KLHL2: variants seen among roughly 807,000 people sequenced by gnomAD.
The protein encoded by KLHL2 is kelch-like protein 2.
In KLHL2, 15 loss-of-function variants were observed where a neutral mutation model predicts 75.8. The observed-to-expected ratio is 0.20, with a 90% confidence interval of 0.13 to 0.30. The LOEUF (loss-of-function observed/expected upper bound fraction) is 0.30, where lower values mean the gene tolerates loss of function less well. KLHL2 is among the 10% of genes least tolerant of loss of function. KLHL2 has a pLI of 1.00. For missense variants in KLHL2, 381 were observed against 741.0 expected (o/e 0.51, Z 5.64); for synonymous variants, 214 against 251.9 (o/e 0.85, Z 1.42).
chr4:165,316,003 A>G (rs1746563033), intron 13 of KLHL2, among the ~76,000 whole-genome samples: 1 of 152,214 alleles, frequency 6.6e-6, no homozygotes, highest in Admixed American at 6.5e-5. Flanking sequence ...GGTTCTCAAT[A>G]TGAATTTGAT....
At position 165,294,365 on chromosome 4, in the gene KLHL2, A is replaced by G. The variant is rs1164916061; in HGVS notation, c.551A>G (p.His184Arg). ...CTTTTTAATTCCCAAACAGAGCAAC[A>G]TTTTGCAGATGTTGTACTTAGTGAA... ...LNKANTYAEQ[H>R]FADVVLSEEF... Residue 184 changes from histidine to arginine, a missense_variant, in exon 6 of 15, where the codon CAT becomes CGT. His to Arg is a conservative substitution (Grantham distance 29). This residue lies in a region of KLHL2 where 111 missense variants were observed against 150.1 expected (regional missense o/e 0.74). Transcript: ENST00000226725. 4 of 1,597,130 alleles carry G rather than the reference A, an allele frequency of 2.5e-6. No homozygotes were observed. The highest frequency in any genetic ancestry group is 1.7e-6 in the Non-Finnish European group (2 of 1,165,256).
At chr4:165,212,147 C>T (rs1419162115) in intron 1 of KLHL2, among the ~76,000 whole-genome samples, 3 of 151,928 alleles carry the variant, frequency 2.0e-5, no homozygotes, top group African/African-American at 7.3e-5. Flanking sequence ...TATTGAGTGC[C>T]TACTATGGCC....
At chr4:165,312,152 TA>T (rs372141493) in intron 11 of KLHL2, among the ~76,000 whole-genome samples, 85 of 152,276 alleles carry the variant, frequency 5.6e-4, no homozygotes, top group African/African-American at 1.9e-3. Context: ...TCAGCTGTAA[TA>T]CTTGCTCACC....
chr4:165,278,520 C>T (rs766897968), intron 5 of KLHL2: 144 of 1,608,672 alleles, frequency 9.0e-5, no homozygotes, highest in Middle Eastern at 1.7e-4. Context: ...ATCCCTCTTG[C>T]GCTGGGCTCC....
At chr4:165,219,721 A>T in intron 1 of KLHL2, 1 of 1,289,520 alleles carries the variant, frequency 7.8e-7, no homozygotes, top group Non-Finnish European at 9.8e-7. Flanking sequence ...GACACCAGGG[A>T]GGTAATTACC....
At chr4:165,294,544 C>A in intron 6 of KLHL2, 76 bp downstream of exon 6, 1 of 725,398 alleles carries the variant, frequency 1.4e-6, no homozygotes, top group Non-Finnish European at 2.3e-6. Context: ...TTTTTTATAG[C>A]TTTGTGATCC....
chr4:165,213,102 G>A (rs1161187931), intron 1 of KLHL2, among the ~76,000 whole-genome samples: 2 of 152,162 alleles, frequency 1.3e-5, no homozygotes, highest in African/African-American at 2.4e-5. Context: ...AATAGTCTTT[G>A]ATTTCTCTCT....
At chr4:165,243,168 T>G (rs1031317122) in intron 4 of KLHL2, among the ~76,000 whole-genome samples, 3 of 152,228 alleles carry the variant, frequency 2.0e-5, no homozygotes, top group Admixed American at 1.3e-4. Flanking sequence ...ATGTGTTAAT[T>G]AACACTTTTG....
At chr4:165,284,615 G>A (rs1743946410) in intron 5 of KLHL2, among the ~76,000 whole-genome samples, 1 of 152,024 alleles carries the variant, frequency 6.6e-6, no homozygotes, top group Non-Finnish European at 1.5e-5. Context: ...ACATTTTTCT[G>A]TCATCTTCTT....
chr4:165,281,359 A>G (rs989326352), intron 5 of KLHL2, among the ~76,000 whole-genome samples: 3 of 145,610 alleles, frequency 2.1e-5, no homozygotes, highest in African/African-American at 7.9e-5. Flanking sequence ...TCTGTCACCC[A>G]GGCTGGAGTG....
Position 165,310,891 on chromosome 4 carries a change from G to A in KLHL2, c.1237+141G>A, listed in dbSNP as rs1425698471. 9 of 647,672 alleles carry A rather than the reference G, an allele frequency of 1.4e-5. No individual in the cohort carries two copies. The East Asian group carries it at 2.0e-4, about 14-fold the overall frequency. The allele number at this position is 647,672 out of a possible 1,614,324, so 40.1% of individuals were successfully genotyped here. A position where few individuals can be genotyped will look rare whatever the true frequency, so the allele number is the denominator to read the frequency against. On this transcript the variant is annotated intron_variant, in intron 10 of 14. Transcript: ENST00000226725. ...TTTTTTTGAGATGGAGTCTTGCTCC[G>A]TCGCCCAGGCTGGAGTACAGTGGCG...
intron 4 of KLHL2, among the ~76,000 whole-genome samples, chr4:165,260,486 G>A (rs1260955981): frequency 3.9e-5 from 6 of 151,998 alleles, no homozygotes; most frequent in East Asian, 1.9e-4. Context: ...CTCCTAATAC[G>A]GTAGATCTGA....
rs776085808 is a variant in KLHL2, at chr4:165,322,029, C to G, written c.1754-3C>G. 1.2e-6 allele frequency: 2 copies of G among 1,613,508 alleles called. No homozygotes were observed. Among genetic ancestry groups the G allele is most frequent in the Non-Finnish European group, 1.7e-6 (2 of 1,179,600 alleles). ...TTTTTTCTCTCTTCATTTCTTTGCT[C>G]AGGGGTCACAGTTATTGATAAACCA... On this transcript the variant is annotated splice_region_variant and splice_polypyrimidine_tract_variant and intron_variant, in intron 14 of 14. Transcript: ENST00000226725.
At chr4:165,276,914 T>C (rs1743162660) in intron 5 of KLHL2, among the ~76,000 whole-genome samples, 1 of 150,278 alleles carries the variant, frequency 6.7e-6, no homozygotes, top group African/African-American at 2.5e-5. Flanking sequence ...CAGTATTTAC[T>C]GTAGTATTCC....
chr4:165,228,441 C>T (rs1191267171), intron 2 of KLHL2, among the ~76,000 whole-genome samples: 10 of 150,600 alleles, frequency 6.6e-5, no homozygotes, highest in African/African-American at 2.2e-4. Context: ...TTTTCTTCAT[C>T]TTCATGTCAG....
At chr4:165,311,092 T>C (rs747375100) in intron 10 of KLHL2, among the ~76,000 whole-genome samples, 20 of 152,064 alleles carry the variant, frequency 1.3e-4, no homozygotes, top group South Asian at 4.1e-4. Flanking sequence ...CTCCTGACTT[T>C]GTGATCCGCC....
intron 2 of KLHL2, 118 bp from the exon 3 acceptor site, chr4:165,228,685 GCTGT>G: frequency 1.7e-6 from 1 of 604,818 alleles, no homozygotes; most frequent in Admixed American, 2.6e-5. Flanking sequence ...CCAAAGGATG[GCTGT>G]CTTTTACGTT....
intron 5 of KLHL2, among the ~76,000 whole-genome samples, chr4:165,274,100 C>T (rs893615070): frequency 5.9e-5 from 9 of 151,960 alleles, no homozygotes; most frequent in African/African-American, 2.2e-4. Context: ...TTTTCCCTAT[C>T]ATAGGCAGTA....
chr4:165,295,626 T>C (rs1414080408), intron 6 of KLHL2, among the ~76,000 whole-genome samples: 1 of 152,186 alleles, frequency 6.6e-6, no homozygotes, highest in African/African-American at 2.4e-5. Context: ...GGTATGGGGA[T>C]GGTAGTTCAA....
Sources: allele counts gnomAD v4.1 joint callset (sites outside exome capture counted in the v4.1 genomes callset), GRCh38; gene constraint gnomAD v4.1.1; regional missense constraint gnomAD v4.1.1; transcripts MANE v1.5; gene names NCBI Gene and HGNC (gene_info 2026-07-23, HGNC 2026-07-21).